Variants in ABTB3 observed in about 807,000 individuals in gnomAD.
ABTB3 encodes ankyrin repeat- and BTB/POZ domain-containing protein 3.
chr12:107,564,207 C>T, the ABTB3 span, among the ~76,000 whole-genome samples: 1 of 149,694 alleles, frequency 6.7e-6, no homozygotes, highest in Admixed American at 6.7e-5. Flanking sequence ...TCATGTAGTC[C>T]TTCCACCCAT....
At chr12:107,621,505 C>T in the ABTB3 span, among the ~76,000 whole-genome samples, 1 of 152,242 alleles carries the variant, frequency 6.6e-6, no homozygotes, top group Non-Finnish European at 1.5e-5. Flanking sequence ...TCAGCCTATA[C>T]TGGGAATTCC....
the ABTB3 span, among the ~76,000 whole-genome samples, chr12:107,392,684 G>A: frequency 7.2e-5 from 11 of 152,256 alleles, no homozygotes; most frequent in South Asian, 1.9e-3. Context: ...TGTTTCCATA[G>A]CAATCAGTTA....
the ABTB3 span, among the ~76,000 whole-genome samples, chr12:107,508,213 G>A: frequency 5.3e-5 from 8 of 151,922 alleles, no homozygotes; most frequent in African/African-American, 1.9e-4. Context: ...AGCACAATGA[G>A]TAGCACATAG....
the ABTB3 span, among the ~76,000 whole-genome samples, chr12:107,451,972 C>T: frequency 6.6e-6 from 1 of 152,142 alleles, no homozygotes; most frequent in Non-Finnish European, 1.5e-5. Context: ...ATCCTTCATC[C>T]CCCATTTTGC....
the ABTB3 span, among the ~76,000 whole-genome samples, chr12:107,437,656 C>A: frequency 6.6e-6 from 1 of 152,182 alleles, no homozygotes; most frequent in Non-Finnish European, 1.5e-5. Flanking sequence ...CCTGCCTTAG[C>A]CTCCCAAAGT....
chr12:107,479,613 C>G, the ABTB3 span, among the ~76,000 whole-genome samples: 1 of 152,054 alleles, frequency 6.6e-6, no homozygotes, highest in African/African-American at 2.4e-5. Flanking sequence ...GAATTTGTTC[C>G]CTGTCCCTTA....
the ABTB3 span, among the ~76,000 whole-genome samples, chr12:107,594,612 C>CT: frequency 1.3e-5 from 2 of 152,090 alleles, no homozygotes; most frequent in Non-Finnish European, 2.9e-5. Context: ...ATTTGTTCAT[C>CT]TTTTTGCTAC....
the ABTB3 span, chr12:107,618,512 A>C: frequency 1.3e-6 from 1 of 755,246 alleles, no homozygotes; most frequent in Non-Finnish European, 2.1e-6. Context: ...ACACACACAC[A>C]AGGGGACCCA....
chr12:107,639,188 C>G, the ABTB3 span, among the ~76,000 whole-genome samples: 1 of 152,160 alleles, frequency 6.6e-6, no homozygotes, highest in South Asian at 2.1e-4. Context: ...ACGTAGCACT[C>G]ATGGGGAACT....
the ABTB3 span, among the ~76,000 whole-genome samples, chr12:107,507,098 G>A: frequency 6.6e-6 from 1 of 152,096 alleles, no homozygotes; most frequent in Non-Finnish European, 1.5e-5. Flanking sequence ...AACTTCTGAT[G>A]CACCACATTA....
the ABTB3 span, among the ~76,000 whole-genome samples, chr12:107,648,738 A>G: frequency 1.3e-5 from 2 of 152,114 alleles, no homozygotes; most frequent in African/African-American, 4.8e-5. Flanking sequence ...TGGGACTTCA[A>G]CAGGAGGCTT....
chr12:107,543,981 C>T, the ABTB3 span: 2 of 1,613,836 alleles, frequency 1.2e-6, no homozygotes, highest in African/African-American at 1.3e-5. Context: ...CCCTCAATGC[C>T]AAGCACCACG....
chr12:107,619,229 G>T, the ABTB3 span, among the ~76,000 whole-genome samples: 26 of 152,296 alleles, frequency 1.7e-4, no homozygotes, highest in African/African-American at 5.5e-4. Flanking sequence ...TGAAGCTCGA[G>T]ATTCCGAATG....
chr12:107,580,918 G>A, the ABTB3 span: 2 of 1,551,490 alleles, frequency 1.3e-6, no homozygotes, highest in Non-Finnish European at 1.7e-6. Context: ...TGAGGAAACT[G>A]AGGCCCAAGG....
the ABTB3 span, among the ~76,000 whole-genome samples, chr12:107,560,887 G>A: frequency 6.6e-6 from 1 of 152,200 alleles, no homozygotes; most frequent in African/African-American, 2.4e-5. Context: ...GTTTGTTTGT[G>A]TCTAATTCTG....
the ABTB3 span, among the ~76,000 whole-genome samples, chr12:107,325,907 G>GATT: frequency 6.6e-6 from 1 of 152,098 alleles, no homozygotes; most frequent in Non-Finnish European, 1.5e-5. Context: ...CATCAGCTAT[G>GATT]ATTATTATTA....
chr12:107,618,469 A>C, the ABTB3 span: 2 of 1,074,594 alleles, frequency 1.9e-6, no homozygotes, highest in Non-Finnish European at 2.7e-6. Context: ...GCACACATAC[A>C]CATGCAAAAC....
At chr12:107,474,243 C>G in the ABTB3 span, among the ~76,000 whole-genome samples, 2 of 152,158 alleles carry the variant, frequency 1.3e-5, no homozygotes, top group Non-Finnish European at 2.9e-5. Context: ...AGAGGAGCCA[C>G]TGGCCCGTGT....
chr12:107,416,997 C>T, the ABTB3 span, among the ~76,000 whole-genome samples: 1 of 152,122 alleles, frequency 6.6e-6, no homozygotes, highest in African/African-American at 2.4e-5. Flanking sequence ...GAACAGGATC[C>T]CTAGTGATGA....
Sources: gnomAD v4.1 joint callset for allele counts (sites outside exome capture counted in the v4.1 genomes callset) on GRCh38, gnomAD v4.1.1 for gene constraint, MANE v1.5 for transcripts, NCBI Gene and HGNC (gene_info 2026-07-23, HGNC 2026-07-21) for gene names.